WNT2: variants seen among roughly 807,000 people sequenced by gnomAD.
WNT2 encodes the protein Wnt family member 2, also known as protein Wnt-2.
WNT2 carries 12 observed loss-of-function variants against 36.9 expected under a neutral mutation model. The ratio of observed to expected loss-of-function variants is 0.33; its 90% CI spans 0.21 to 0.53. The LOEUF (loss-of-function observed/expected upper bound fraction) is 0.53, where lower values mean the gene tolerates loss of function less well. Ranked by LOEUF, WNT2 falls within the 20% of genes least tolerant of loss-of-function variation. The pLI is 0.95. For missense variants in WNT2, 379 were observed against 473.1 expected (o/e 0.80, Z 1.84); for synonymous variants, 163 against 174.6 (o/e 0.93, Z 0.52).
intron 4 of WNT2, among the ~76,000 whole-genome samples, chr7:117,282,330 G>T (rs1794502788): frequency 6.6e-6 from 1 of 151,924 alleles, no homozygotes; most frequent in Admixed American, 6.6e-5. Context: ...ATAACAAGAA[G>T]AAGGTGGTAG....
At chr7:117,313,592 G>GTTCC (rs1795162227) in intron 3 of WNT2, among the ~76,000 whole-genome samples, 1 of 152,038 alleles carries the variant, frequency 6.6e-6, no homozygotes, top group Non-Finnish European at 1.5e-5. Context: ...ATGTTCTTTT[G>GTTCC]GATACAATAT....
intron 2 of WNT2, among the ~76,000 whole-genome samples, chr7:117,320,305 T>C (rs561633556): frequency 6.6e-6 from 1 of 152,282 alleles, no homozygotes; most frequent in South Asian, 2.1e-4. Context: ...ATGTGCCATA[T>C]TGGAGTGATG....
In WNT2 at chr7:117,284,459, T is replaced by C. The variant is rs185537959; in HGVS notation, c.854-6075A>G. Among the ~76,000 whole-genome samples the C allele has an allele frequency of 1.3e-5, 2 of 152,332 alleles. No homozygotes were observed. The highest frequency in any genetic ancestry group is 2.4e-5 in the African/African-American group (1 of 41,562). ...GGGACACATACTTTTAGATGTTTTT[T>C]CTCAAATAATATACAAACTTGTTAA... is the stretch of plus-strand genomic sequence containing the variant. On this transcript the variant is annotated intron_variant, in intron 4 of 4. Transcript: ENST00000265441. The surrounding 1 kb of genome is among the most constrained non-coding windows in gnomAD (Gnocchi z 5.2).
intron 4 of WNT2, 28 bp from the exon 5 acceptor site, chr7:117,278,412 G>T (rs1794420898): frequency 6.3e-7 from 1 of 1,595,906 alleles, no homozygotes; most frequent in African/African-American, 1.3e-5. Context: ...GAGTGTTACT[G>T]AAAAGGTCTG....
chr7:117,292,892 C>G (rs1794716835), intron 4 of WNT2, among the ~76,000 whole-genome samples: 2 of 152,110 alleles, frequency 1.3e-5, no homozygotes. Context: ...CCCTGAATTT[C>G]TTCTTGCCTA....
In WNT2 at chr7:117,320,656, G is replaced by A. The variant is rs1439160028; in HGVS notation, c.221C>T (p.Ala74Val). ...CTGGCGGAACTGGTGCTGGCATTCT[G>A]CTGTCCACTCGGCCACGCCCTGGCT... ...AISQGVAEWT[A>V]ECQHQFRQHR... Residue 74 changes from alanine (A) to valine (V), a missense_variant, in exon 2 of 5, where the codon GCA becomes GTA. Physicochemically the swap from Ala to Val is moderately conservative, Grantham distance 64 (BLOSUM62 0). Coordinates refer to ENST00000265441, the MANE Select transcript of WNT2 (RefSeq NM_003391.3). The A allele has an allele frequency of 1.2e-6, 2 of 1,613,962 alleles. No individual in the cohort carries two copies. Among genetic ancestry groups the A allele is most frequent in the African/African-American group, 1.3e-5 (1 of 75,054 alleles).
intron 4 of WNT2, among the ~76,000 whole-genome samples, chr7:117,297,361 G>A (rs1384504109): frequency 6.6e-6 from 1 of 151,956 alleles, no homozygotes; most frequent in Non-Finnish European, 1.5e-5. Flanking sequence ...TGCATTTTTG[G>A]TAGAGATGGA....
intron 2 of WNT2, among the ~76,000 whole-genome samples, chr7:117,316,636 C>A (rs1314418410): frequency 6.6e-6 from 1 of 151,678 alleles, no homozygotes; most frequent in African/African-American, 2.4e-5. Flanking sequence ...CTCTGCTAGT[C>A]TCATTATTAA....
chr7:117,278,376 C>T lies in WNT2; in HGVS notation c.862G>A (p.Gly288Ser). Reference protein sequence around the residue: ...CIRDREAGSLGTAGRVCNLTS... With the variant: ...CIRDREAGSLSTAGRVCNLTS... ...AGGTTGCACACACGGCCTGCTGTACCCAGGGAGCCTGGAAGACAAGCCAGG... is the reference window on the plus strand; with the variant it reads ...AGGTTGCACACACGGCCTGCTGTACTCAGGGAGCCTGGAAGACAAGCCAGG... Residue 288 changes from glycine to serine, a missense_variant, in exon 5 of 5, where the codon GGT becomes AGT. Physicochemically the swap from Gly to Ser is moderately conservative, Grantham distance 56. Coordinates refer to ENST00000265441, the MANE Select transcript of WNT2 (RefSeq NM_003391.3). The T allele has an allele frequency of 6.2e-7, 1 of 1,613,304 alleles. No individual in the cohort carries two copies. Among genetic ancestry groups the T allele is most frequent in the South Asian group, 1.1e-5 (1 of 90,936 alleles).
chr7:117,308,291 G>A (rs1421924730), intron 3 of WNT2, among the ~76,000 whole-genome samples: 1 of 152,134 alleles, frequency 6.6e-6, no homozygotes, highest in Non-Finnish European at 1.5e-5. Context: ...AGTGACTGTG[G>A]GTGGGCTTAG....
rs1042692015 is a variant in WNT2, at chr7:117,284,362, A to G, written c.854-5978T>C. Among the ~76,000 whole-genome samples the G allele has an allele frequency of 1.3e-5, 2 of 152,130 alleles. No individual in the cohort carries two copies. The highest frequency in any genetic ancestry group is 4.8e-5 in the African/African-American group (2 of 41,430). ...ATATAAGAACCAAGAGTATGTGTGT[A>G]TGTGTGTGTGTTTTAATGAAAAGGA... On this transcript the variant is annotated intron_variant, in intron 4 of 4. Coordinates refer to ENST00000265441, the MANE Select transcript of WNT2 (RefSeq NM_003391.3). The surrounding 1 kb of genome is among the most constrained non-coding windows in gnomAD (Gnocchi z 5.2).
At chr7:117,303,688 A>ATTTACTTTG (rs1794957266) in intron 3 of WNT2, among the ~76,000 whole-genome samples, 1 of 152,214 alleles carries the variant, frequency 6.6e-6, no homozygotes. Flanking sequence ...TTGATTCTAA[A>ATTTACTTTG]ATTTAAAAAC....
intron 3 of WNT2, among the ~76,000 whole-genome samples, chr7:117,304,482 G>A (rs968966196): frequency 6.8e-6 from 1 of 147,326 alleles, no homozygotes; most frequent in African/African-American, 2.5e-5. Flanking sequence ...TGTTGGCCAG[G>A]CTGGAGTGCA....
intron 4 of WNT2, among the ~76,000 whole-genome samples, chr7:117,279,150 A>G (rs962547349): frequency 1.0e-4 from 16 of 152,382 alleles, no homozygotes; most frequent in African/African-American, 3.6e-4. Flanking sequence ...TGTTTGCTAA[A>G]TGGCAATCCA....
intron 4 of WNT2, among the ~76,000 whole-genome samples, chr7:117,283,779 G>T (rs573459556): frequency 1.3e-5 from 2 of 152,190 alleles, no homozygotes; most frequent in Non-Finnish European, 2.9e-5. Context: ...TGTCTCAGTA[G>T]TTCAATGTTC....
intron 3 of WNT2, among the ~76,000 whole-genome samples, chr7:117,304,406 C>T (rs1794973187): frequency 6.6e-6 from 1 of 151,340 alleles, no homozygotes; most frequent in Non-Finnish European, 1.5e-5. Context: ...CAGCACTCAG[C>T]AGCCCCTTTC....
At chr7:117,293,327 G>A (rs1419251286) in intron 4 of WNT2, among the ~76,000 whole-genome samples, 1 of 152,150 alleles carries the variant, frequency 6.6e-6, no homozygotes, top group Non-Finnish European at 1.5e-5. Context: ...TGACCAGCAA[G>A]AGTAAAGCCA....
At chr7:117,299,895 G>T (rs1200644225) in intron 3 of WNT2, among the ~76,000 whole-genome samples, 1 of 152,096 alleles carries the variant, frequency 6.6e-6, no homozygotes, top group East Asian at 1.9e-4. Flanking sequence ...TTTAAAATTG[G>T]ATCTTAAAAA....
intron 3 of WNT2, among the ~76,000 whole-genome samples, chr7:117,308,999 C>T (rs1267688016): frequency 6.8e-6 from 1 of 146,086 alleles, no homozygotes; most frequent in Non-Finnish European, 1.5e-5. Flanking sequence ...CCCTGGGCAA[C>T]ATAGTAAGAC....
Sources: allele counts gnomAD v4.1 joint callset (sites outside exome capture counted in the v4.1 genomes callset), GRCh38; gene constraint gnomAD v4.1.1; non-coding constraint Gnocchi (gnomAD v3.1); transcripts MANE v1.5; gene names NCBI Gene and HGNC (gene_info 2026-07-23, HGNC 2026-07-21).